Variants in MRPS28 observed in about 807,000 individuals in gnomAD.
The protein encoded by MRPS28 is mitochondrial ribosomal protein S28.
In MRPS28, 7 loss-of-function variants were observed where a neutral mutation model predicts 10.8. That is an observed-to-expected ratio of 0.65 (90% CI 0.37 to 1.22). The LOEUF (loss-of-function observed/expected upper bound fraction) is 1.22, where lower values mean the gene tolerates loss of function less well. Ranked by LOEUF, MRPS28 falls within the 50% of genes most tolerant of loss-of-function variation. The pLI is 0.02. For missense variants in MRPS28, 265 were observed against 232.9 expected (o/e 1.14, Z -0.90); for synonymous variants, 121 against 93.3 (o/e 1.30, Z -1.71).
At chr8:80,022,125 C>T (rs1809383741) in intron 1 of MRPS28, among the ~76,000 whole-genome samples, 1 of 152,168 alleles carries the variant, frequency 6.6e-6, no homozygotes, top group Non-Finnish European at 1.5e-5. Flanking sequence ...CTAGTAAGCA[C>T]TGACCTGTTC....
At chr8:79,933,701 A>T (rs556355287) in intron 2 of MRPS28, among the ~76,000 whole-genome samples, 1 of 152,320 alleles carries the variant, frequency 6.6e-6, no homozygotes, top group African/African-American at 2.4e-5. Flanking sequence ...ATGTAAAGAA[A>T]TTCTATTAGG....
chr8:79,938,979 A>T (rs1806684500), intron 2 of MRPS28, among the ~76,000 whole-genome samples: 1 of 152,204 alleles, frequency 6.6e-6, no homozygotes, highest in African/African-American at 2.4e-5. Context: ...CTGGCTATGG[A>T]AGTGAGAGGA....
chr8:80,011,758 CAACAAAAAACAAA>C (rs1214583546), intron 1 of MRPS28, among the ~76,000 whole-genome samples: 3 of 151,672 alleles, frequency 2.0e-5, no homozygotes, highest in Non-Finnish European at 2.9e-5. Flanking sequence ...CAAAAAAAAA[CAACAAAAAACAAA>C]AACAAAAAAC....
At chr8:79,920,361 G>A (rs1247090793) in intron 2 of MRPS28, among the ~76,000 whole-genome samples, 1 of 152,120 alleles carries the variant, frequency 6.6e-6, no homozygotes, top group African/African-American at 2.4e-5. Context: ...TTGAGGAATT[G>A]CCACACTGTC....
At chr8:80,022,737 G>A (rs1025837089) in intron 1 of MRPS28, among the ~76,000 whole-genome samples, 3 of 152,078 alleles carry the variant, frequency 2.0e-5, no homozygotes, top group Admixed American at 2.0e-4. Flanking sequence ...AAAAACTTAA[G>A]GGCCATAATC....
chr8:80,004,726 T>G (rs546358612), intron 1 of MRPS28, among the ~76,000 whole-genome samples: 2 of 152,248 alleles, frequency 1.3e-5, no homozygotes, highest in Non-Finnish European at 2.9e-5. Flanking sequence ...GCAAAGAAGC[T>G]AAAAACCTTG....
At chr8:80,015,426 G>C (rs1197956926) in intron 1 of MRPS28, among the ~76,000 whole-genome samples, 2 of 152,160 alleles carry the variant, frequency 1.3e-5, no homozygotes, top group African/African-American at 4.8e-5. Flanking sequence ...ACCAATTCTA[G>C]CTGGCACTAG....
chr8:80,023,498 C>T (rs546498310), intron 1 of MRPS28, among the ~76,000 whole-genome samples: 10 of 151,034 alleles, frequency 6.6e-5, no homozygotes, highest in Admixed American at 2.6e-4. Flanking sequence ...CTGGAATATT[C>T]GAATATTTTG....
At chr8:79,980,298 C>T (rs115446574) in intron 2 of MRPS28, among the ~76,000 whole-genome samples, 2,735 of 152,232 alleles carry the variant, frequency 0.018, 32 homozygotes, top group South Asian at 0.027. Context: ...AGCCAGGATT[C>T]AAATCCAGAA....
chr8:80,001,083 T>A (rs887493509), intron 2 of MRPS28, among the ~76,000 whole-genome samples: 4 of 152,336 alleles, frequency 2.6e-5, no homozygotes, highest in East Asian at 1.9e-4. Context: ...CAGTTGAACA[T>A]CTGCTGAGAA....
chr8:80,022,859 C>A (rs909735622), intron 1 of MRPS28, among the ~76,000 whole-genome samples: 2 of 152,124 alleles, frequency 1.3e-5, no homozygotes, highest in African/African-American at 4.8e-5. Context: ...ATGAGAGTTA[C>A]GATCTCCAAA....
At chr8:79,995,104 T>C (rs1808466873) in intron 2 of MRPS28, among the ~76,000 whole-genome samples, 1 of 152,178 alleles carries the variant, frequency 6.6e-6, no homozygotes, top group South Asian at 2.1e-4. Context: ...TATTTATTGG[T>C]TTACTTCTCT....
In MRPS28 at chr8:80,003,168, T is replaced by A; in HGVS notation, c.226A>T (p.Asn76Tyr). 1 of 1,582,780 alleles carries A rather than the reference T, an allele frequency of 6.3e-7. No individual in the cohort carries two copies. Among genetic ancestry groups the A allele is most frequent in the Non-Finnish European group, 8.5e-7 (1 of 1,170,060 alleles). ...VEPLQKGSPK[N>Y]VESFASMLRH... The stretch of plus-strand genomic sequence containing the variant: ...AGCATAGATGCAAAGGATTCCACAT[T>A]TTTTGGAGAACCCTAAATATGAAAA... The change falls in exon 2 of 3, where the codon AAT becomes TAT. Residue 76 changes from asparagine (N) to tyrosine (Y), a missense_variant. Asn to Tyr is a moderately radical substitution (Grantham distance 143, BLOSUM62 -2). Coordinates refer to ENST00000276585, the MANE Select transcript of MRPS28 (RefSeq NM_014018.3).
intron 2 of MRPS28, chr8:79,958,280 CTTCT>C (rs1322087396): frequency 1.5e-6 from 1 of 650,602 alleles, no homozygotes; most frequent in Non-Finnish European, 2.7e-6. Context: ...TTGTGAATGG[CTTCT>C]TTCATTTGGC....
At chr8:79,945,627 T>C (rs781619214) in intron 2 of MRPS28, among the ~76,000 whole-genome samples, 2 of 152,174 alleles carry the variant, frequency 1.3e-5, no homozygotes, top group Non-Finnish European at 1.5e-5. Context: ...ATGGCAGAAA[T>C]GGTAAGTTTT....
intron 1 of MRPS28, chr8:80,028,645 C>CGGGCGAGGGGGGGG (rs1554575848): frequency 3.0e-4 from 1 of 3,332 alleles, no homozygotes; most frequent in Admixed American, 4.8e-3. Context: ...AAGCAGAAGA[C>CGGGCGAGGGGGGGG]GGGCGGGGGG....
At chr8:79,919,190 C>T in intron 2 of MRPS28, 42 bp from the exon 3 acceptor site, 1 of 1,459,736 alleles carries the variant, frequency 6.9e-7, no homozygotes, top group South Asian at 1.5e-5. Flanking sequence ...TTCTGAATAT[C>T]ATAACATGAA....
intron 1 of MRPS28, among the ~76,000 whole-genome samples, chr8:80,020,574 T>G (rs1409449874): frequency 6.6e-6 from 1 of 152,210 alleles, no homozygotes; most frequent in African/African-American, 2.4e-5. Flanking sequence ...TTTAAAGTAT[T>G]TCTGATAGAA....
At chr8:80,005,471 G>A (rs6473192) in intron 1 of MRPS28, among the ~76,000 whole-genome samples, 116,535 of 151,926 alleles carry the variant, frequency 0.77, 45,230 homozygotes, top group African/African-American at 0.88. Flanking sequence ...TGCCCTAAAA[G>A]AGCTCCTGAA....
Sources: allele counts gnomAD v4.1 joint callset (sites outside exome capture counted in the v4.1 genomes callset), GRCh38; gene constraint gnomAD v4.1.1; transcripts MANE v1.5; gene names NCBI Gene and HGNC (gene_info 2026-07-23, HGNC 2026-07-21).